TTLL4: variants seen among roughly 807,000 people sequenced by gnomAD.
TTLL4 encodes the protein tubulin tyrosine ligase like 4, also known as tubulin monoglutamylase TTLL4.
TTLL4 carries 85 observed loss-of-function variants against 122.7 expected under a neutral mutation model. That is an observed-to-expected ratio of 0.69 (90% CI 0.58 to 0.83). TTLL4 has a LOEUF of 0.83. Among genes scored for constraint, TTLL4 ranks in the 40% least tolerant of loss-of-function variants. The pLI, the probability that TTLL4 is intolerant of heterozygous loss-of-function variation, is 0.00. For synonymous variants in TTLL4, 553 were observed against 563.0 expected (o/e 0.98, Z 0.25); for missense variants, 1,363 against 1,488.6 (o/e 0.92, Z 1.39).
intron 2 of TTLL4, among the ~76,000 whole-genome samples, chr2:218,729,250 T>A (rs1942286129): frequency 6.6e-6 from 1 of 152,148 alleles, no homozygotes; most frequent in Non-Finnish European, 1.5e-5. Flanking sequence ...TCTATCTTGA[T>A]ATCACTTTTT....
In TTLL4 at chr2:218,747,133, A is replaced by G; in HGVS notation, c.2105A>G (p.Asp702Gly). 2 of 1,614,172 alleles carry G rather than the reference A, an allele frequency of 1.2e-6. No individual in the cohort carries two copies. The highest frequency in any genetic ancestry group is 1.7e-6 in the Non-Finnish European group (2 of 1,180,030). The change falls in exon 9 of 20, where the codon GAC becomes GGC. Residue 702 changes from aspartate (D) to glycine (G), a missense_variant. Around this residue, in one of 3 missense-constraint regions of TTLL4, gnomAD observed 596 missense variants for 655.8 expected, o/e 0.91. Transcript: ENST00000392102. The surrounding 1 kb of genome is among the most constrained non-coding windows in gnomAD (Gnocchi z 4.7). ...FFPQSFILPQDAKLLRKAWES... is the reference protein window; with the variant it reads ...FFPQSFILPQGAKLLRKAWES... ...CCCCAGTCCTTTATCCTGCCCCAGG[A>G]CGCCAAGCTCCTGCGCAAAGCGTGG... is the stretch of plus-strand genomic sequence containing the variant.
At chr2:218,743,938 C>G (rs1428849528) in intron 5 of TTLL4, among the ~76,000 whole-genome samples, 1 of 152,202 alleles carries the variant, frequency 6.6e-6, no homozygotes, top group African/African-American at 2.4e-5. Context: ...CTCAGCCTCC[C>G]AAAGTGCTGG....
intron 5 of TTLL4, among the ~76,000 whole-genome samples, chr2:218,742,425 A>G (rs2106442126): frequency 6.6e-6 from 1 of 152,332 alleles, no homozygotes; most frequent in East Asian, 1.9e-4. Context: ...CATTGGAAAC[A>G]CTACCTGTTT....
rs1012584254 is a variant in TTLL4, at chr2:218,726,106, T to C, written c.-177-1163T>C. Reference sequence around the variant, plus strand: ...AGCATTACTTTTAAGACGGGTCTGGTGGTAGTGAATTCTTTCAGCTTTTGT... The same window carrying C: ...AGCATTACTTTTAAGACGGGTCTGGCGGTAGTGAATTCTTTCAGCTTTTGT... On this transcript the variant is annotated intron_variant, in intron 1 of 19. Transcript: ENST00000392102. Among the ~76,000 whole-genome samples, 3 of 152,310 alleles carry C rather than the reference T, an allele frequency of 2.0e-5. No homozygotes were observed. The East Asian group carries it at 5.8e-4, about 29-fold the overall frequency.
At chr2:218,720,888 C>T (rs78294478) in intron 1 of TTLL4, among the ~76,000 whole-genome samples, 5,419 of 152,090 alleles carry the variant, frequency 0.036, 310 homozygotes, top group African/African-American at 0.12. Flanking sequence ...GTTCCATCCC[C>T]CACCTTCTGG....
chr2:218,723,645 TATC>T (rs962635904), intron 1 of TTLL4, among the ~76,000 whole-genome samples: 4 of 152,316 alleles, frequency 2.6e-5, no homozygotes, highest in Admixed American at 2.6e-4. Context: ...AAGCACATAA[TATC>T]ATCATTAGTA....
chr2:218,744,358 C>G (rs1031658659), intron 5 of TTLL4, among the ~76,000 whole-genome samples: 28 of 152,192 alleles, frequency 1.8e-4, no homozygotes, highest in African/African-American at 6.8e-4. Context: ...ATCTTGGTCT[C>G]TCAGCTTGTA....
chr2:218,746,073 G>A, intron 7 of TTLL4, 82 bp from the exon 8 acceptor site: 1 of 1,533,884 alleles, frequency 6.5e-7, no homozygotes, highest in Non-Finnish European at 9.0e-7. Context: ...TGGGAGCTCT[G>A]CCCAGTTCTG....
In TTLL4 at chr2:218,739,168, G is replaced by T; in HGVS notation, c.1487+5G>T. On this transcript the variant is annotated splice_donor_5th_base_variant and intron_variant, in intron 3 of 19. Transcript: ENST00000392102. The stretch of plus-strand genomic sequence containing the variant: ...CTCATCTGATAGGGATATTAGGTAT[G>T]TTGGCAATGTTTTTGGTTCATTTAG... 1 of 1,605,536 alleles carries T rather than the reference G, an allele frequency of 6.2e-7. No individual in the cohort carries two copies. The highest frequency in any genetic ancestry group is 8.5e-7 in the Non-Finnish European group (1 of 1,177,306).
intron 1 of TTLL4, among the ~76,000 whole-genome samples, chr2:218,725,630 A>G (rs2106405659): frequency 1.3e-5 from 2 of 151,572 alleles, no homozygotes; most frequent in Admixed American, 1.3e-4. Flanking sequence ...ATCTCGGCTC[A>G]CCGCAACCTC....
At chr2:218,736,431 T>C (rs1942525255) in intron 2 of TTLL4, 1 of 152,198 alleles carries the variant, frequency 6.6e-6, no homozygotes, top group South Asian at 2.1e-4. Context: ...ACAGGTTTTG[T>C]ATTAAAGGAA....
At chr2:218,748,013 C>A in intron 11 of TTLL4, 92 bp from the exon 12 acceptor site, 1 of 1,529,930 alleles carries the variant, frequency 6.5e-7, no homozygotes. Context: ...TGTACTTGTT[C>A]TACACCTCTT....
In TTLL4 at chr2:218,747,207, CAG is replaced by C; in HGVS notation, c.2166+14_2166+15del. On this transcript the variant is annotated intron_variant, in intron 9 of 19. Coordinates refer to ENST00000392102, the MANE Select transcript of TTLL4 (RefSeq NM_014640.5). The surrounding 1 kb of genome is among the most constrained non-coding windows in gnomAD (Gnocchi z 4.7). ...GATTGTGAAGCCAGTGAGTGAATCA[CAG>C]TGGGCAGGAGACTATGGTCTGTGAG... 6.2e-7 allele frequency: 1 copy of C among 1,614,172 alleles called. No individual in the cohort carries two copies. Among genetic ancestry groups the C allele is most frequent in the Non-Finnish European group, 8.5e-7 (1 of 1,180,018 alleles).
intron 1 of TTLL4, among the ~76,000 whole-genome samples, chr2:218,723,185 A>C (rs962503698): frequency 6.6e-6 from 1 of 152,220 alleles, no homozygotes; most frequent in African/African-American, 2.4e-5. Context: ...TTTGAATAAC[A>C]GTGGTTATAG....
At chr2:218,727,236 C>T (rs1258468862) in intron 1 of TTLL4, 33 bp from the exon 2 acceptor site, 1 of 152,110 alleles carries the variant, frequency 6.6e-6, no homozygotes, top group Non-Finnish European at 1.5e-5. Flanking sequence ...GCTTTTCATT[C>T]TGTTTTCTTT....
chr2:218,725,555 A>G (rs989315940), intron 1 of TTLL4, among the ~76,000 whole-genome samples: 3 of 151,758 alleles, frequency 2.0e-5, no homozygotes, highest in African/African-American at 4.8e-5. Context: ...CATATTTTTT[A>G]TATTGCCTTT....
chr2:218,753,291 T>A (rs1483663026), intron 18 of TTLL4, 106 bp downstream of exon 18: 13 of 1,184,494 alleles, frequency 1.1e-5, no homozygotes, highest in African/African-American at 3.0e-5. Context: ...CTCTCACTTC[T>A]CCGCTAGGCT....
Position 218,751,844 on chromosome 2 carries a change from C to A in TTLL4, c.2976+38C>A, listed in dbSNP as rs1943023349. On this transcript the variant is annotated intron_variant, in intron 16 of 19. Coordinates refer to ENST00000392102, the MANE Select transcript of TTLL4 (RefSeq NM_014640.5). ...TCTTCCCCCCAGTGCTAGCAGAAAA[C>A]TTCCCTGGTCAAACATTTGGGACCC... 2.0e-6 allele frequency: 3 copies of A among 1,529,120 alleles called. No homozygotes were observed. In the East Asian group the frequency reaches 7.0e-5, roughly 36 times the overall value. 94.7% of individuals were successfully genotyped at this position (1,529,120 alleles called of 1,614,324 possible). A position where few individuals can be genotyped will look rare whatever the true frequency, so the allele number is the denominator to read the frequency against.
At chr2:218,753,695 G>A (rs1169374388) in intron 19 of TTLL4, 26 bp downstream of exon 19, 2 of 1,611,548 alleles carry the variant, frequency 1.2e-6, no homozygotes, top group Admixed American at 3.3e-5. Context: ...GCAAGGGAGG[G>A]GCTGCTGGCT....
Sources: allele counts gnomAD v4.1 joint callset (sites outside exome capture counted in the v4.1 genomes callset), GRCh38; gene constraint gnomAD v4.1.1; regional missense constraint gnomAD v4.1.1; non-coding constraint Gnocchi (gnomAD v3.1); transcripts MANE v1.5; gene names NCBI Gene and HGNC (gene_info 2026-07-23, HGNC 2026-07-21).